GRIK3: variants seen among roughly 807,000 people sequenced by gnomAD.
The protein encoded by GRIK3 is glutamate receptor ionotropic, kainate 3.
GRIK3 carries 29 observed loss-of-function variants against 102.5 expected under a neutral mutation model. The ratio of observed to expected loss-of-function variants is 0.28; its 90% confidence interval spans 0.21 to 0.39. The LOEUF (loss-of-function observed/expected upper bound fraction) is 0.39. Ranked by LOEUF, GRIK3 falls within the 10% of genes least tolerant of loss-of-function variation. The probability of loss-of-function intolerance (pLI) is 1.00; values close to 1 mark genes in which losing one functional copy is unlikely to be tolerated. For synonymous variants in GRIK3, 511 were observed against 504.9 expected (o/e 1.01, Z -0.16); for missense variants, 908 against 1,252.4 (o/e 0.73, Z 4.15).
chr1:36,884,106 C>T (rs191379876), intron 2 of GRIK3, among the ~76,000 whole-genome samples: 37 of 152,256 alleles, frequency 2.4e-4, no homozygotes, highest in Non-Finnish European at 4.6e-4. Context: ...TCATTGTGGC[C>T]AAGGCCAGGT....
chr1:36,992,654 G>A (rs1408465794), intron 1 of GRIK3, among the ~76,000 whole-genome samples: 4 of 152,188 alleles, frequency 2.6e-5, no homozygotes, highest in Non-Finnish European at 5.9e-5. Flanking sequence ...CCTGTTGAGT[G>A]CTCCTACCTA....
chr1:36,938,877 T>C (rs554242809), intron 1 of GRIK3, among the ~76,000 whole-genome samples: 2 of 152,282 alleles, frequency 1.3e-5, no homozygotes, highest in South Asian at 4.1e-4. Flanking sequence ...AATGAAAGCC[T>C]GGAGCTCCCA....
intron 3 of GRIK3, among the ~76,000 whole-genome samples, chr1:36,879,963 C>T (rs145804502): frequency 2.0e-5 from 3 of 152,210 alleles, no homozygotes; most frequent in East Asian, 1.9e-4. Flanking sequence ...GAGCTGGGCA[C>T]GTGCAGGTGT....
Position 36,797,226 on chromosome 1 carries a change from G to A in GRIK3, c.*4625C>T, listed in dbSNP as rs948618475. 1 of 151,990 alleles carries A rather than the reference G, an allele frequency of 6.6e-6. No homozygotes were observed. Among genetic ancestry groups the A allele is most frequent in the African/African-American group, 2.4e-5 (1 of 41,350 alleles). 9.4% of individuals were successfully genotyped at this position (151,990 alleles called of 1,614,324 possible). A position where few individuals can be genotyped will look rare whatever the true frequency, so the allele number is the denominator to read the frequency against. ...TGGCTGGGTTCTGTACACTCCGTGT[G>A]CAGACGTGCAGGAAAGGGTTGTATA... On this transcript the variant is annotated 3_prime_UTR_variant, in exon 16 of 16. Coordinates refer to ENST00000373091, the MANE Select transcript of GRIK3 (RefSeq NM_000831.4).
At chr1:37,031,395 A>C (rs925246142) in intron 1 of GRIK3, among the ~76,000 whole-genome samples, 1 of 152,202 alleles carries the variant, frequency 6.6e-6, no homozygotes, top group African/African-American at 2.4e-5. Context: ...CAATTCATCT[A>C]TTCAAGACGG....
At position 36,817,164 on chromosome 1, in the gene GRIK3, C is replaced by T. The variant is rs774857531; in HGVS notation, c.1987G>A (p.Val663Met). 5.9e-5 allele frequency: 95 copies of T among 1,614,002 alleles called. No homozygotes were observed. Among genetic ancestry groups the T allele is most frequent in the Non-Finnish European group, 8.0e-5 (94 of 1,179,922 alleles). The change falls in exon 13 of 16, where the codon GTG becomes ATG. Residue 663 changes from valine (V) to methionine (M), a missense_variant. Physicochemically the swap from Val to Met is conservative, Grantham distance 21. Coordinates refer to ENST00000373091, the MANE Select transcript of GRIK3 (RefSeq NM_000831.4). ...YTANLAAFLT[V>M]ERMESPIDSA... Reference sequence around the variant, plus strand: ...TCAATGGGTGATTCCATGCGCTCCACGGTCAGAAAGGCAGCCAGGTTGGCC... The same window carrying T: ...TCAATGGGTGATTCCATGCGCTCCATGGTCAGAAAGGCAGCCAGGTTGGCC...
At position 36,806,987 on chromosome 1, in the gene GRIK3, C is replaced by T. The variant is rs923436670; in HGVS notation, c.2092-661G>A. On this transcript the variant is annotated intron_variant, in intron 13 of 15. Transcript: ENST00000373091. The surrounding 1 kb of genome is among the most constrained non-coding windows in gnomAD (Gnocchi z 4.0). ...TGGAGGCCTCTTTTATGTCCTGTTT[C>T]AGGGGAAGATTTTGCCTCAGACATG... Among the ~76,000 whole-genome samples, 2 of 152,082 alleles carry T rather than the reference C, an allele frequency of 1.3e-5. No homozygotes were observed. Among genetic ancestry groups the T allele is most frequent in the African/African-American group, 4.8e-5 (2 of 41,404 alleles).
intron 7 of GRIK3, among the ~76,000 whole-genome samples, chr1:36,855,414 C>T (rs981498989): frequency 2.6e-5 from 4 of 152,164 alleles, no homozygotes; most frequent in Non-Finnish European, 5.9e-5. Flanking sequence ...AAATGAAAAC[C>T]CTTAGACATC....
chr1:36,904,305 C>A (rs1236883899), intron 1 of GRIK3, among the ~76,000 whole-genome samples: 1 of 152,190 alleles, frequency 6.6e-6, no homozygotes, highest in African/African-American at 2.4e-5. Context: ...TAAAACAAGA[C>A]AAGAAGAATT....
intron 1 of GRIK3, among the ~76,000 whole-genome samples, chr1:37,002,099 TC>T (rs1180921749): frequency 6.6e-6 from 1 of 152,094 alleles, no homozygotes; most frequent in Non-Finnish European, 1.5e-5. Flanking sequence ...CAAAAGACAA[TC>T]CCCTGCAGAA....
chr1:36,812,410 C>G (rs548962429), intron 13 of GRIK3, among the ~76,000 whole-genome samples: 3 of 152,132 alleles, frequency 2.0e-5, no homozygotes, highest in Non-Finnish European at 4.4e-5. Flanking sequence ...AGCTGTCTTC[C>G]GATGTCCTCT....
intron 3 of GRIK3, among the ~76,000 whole-genome samples, chr1:36,879,998 G>A (rs1253748563): frequency 6.6e-6 from 1 of 152,208 alleles, no homozygotes; most frequent in Non-Finnish European, 1.5e-5. Context: ...GGGTAGAGAA[G>A]AGTGTGTGTG....
chr1:36,872,118 TG>T lies in GRIK3; in HGVS notation c.732+69del. The T allele has an allele frequency of 7.2e-7, 1 of 1,386,456 alleles. No individual in the cohort carries two copies. The highest frequency in any genetic ancestry group is 9.8e-7 in the Non-Finnish European group (1 of 1,020,050). 85.9% of individuals were successfully genotyped at this position (1,386,456 alleles called of 1,614,324 possible). Reference sequence around the variant, plus strand: ...GATCTGGCAGCATCACACCCACATTTGGGAAGGGGACGTGGGAGAAGTGGCC... The same window carrying T: ...GATCTGGCAGCATCACACCCACATTTGGAAGGGGACGTGGGAGAAGTGGCC... On this transcript the variant is annotated intron_variant, in intron 4 of 15. Coordinates refer to ENST00000373091, the MANE Select transcript of GRIK3 (RefSeq NM_000831.4). This position sits in a 1 kb window ranked among gnomAD's most constrained non-coding sequence, Gnocchi z 5.9.
At chr1:36,811,128 G>C (rs1372358207) in intron 13 of GRIK3, among the ~76,000 whole-genome samples, 2 of 152,196 alleles carry the variant, frequency 1.3e-5, no homozygotes, top group Non-Finnish European at 2.9e-5. Context: ...ACAAGACAAG[G>C]TGTGTGAAGC....
At chr1:36,813,508 T>C (rs1642585896) in intron 13 of GRIK3, among the ~76,000 whole-genome samples, 1 of 152,164 alleles carries the variant, frequency 6.6e-6, no homozygotes, top group Non-Finnish European at 1.5e-5. Context: ...GAGGGCACTG[T>C]GCATGAAGAC....
intron 10 of GRIK3, 145 bp downstream of exon 10, chr1:36,841,591 C>A (rs529445846): frequency 4.3e-6 from 3 of 693,562 alleles, no homozygotes; most frequent in Admixed American, 2.4e-5. Flanking sequence ...TGAGGCCCCC[C>A]AGTCCTCAAG....
rs1478494154 is a variant in GRIK3, at chr1:36,959,553, C to T, written c.116-68457G>A. Among the ~76,000 whole-genome samples the T allele has an allele frequency of 2.9e-5, 3 of 104,604 alleles. No homozygotes were observed. In the East Asian group the frequency reaches 1.3e-3, roughly 46 times the overall value. The allele number at this position is 104,604 out of a possible 152,430, so 68.6% of individuals were successfully genotyped here. A position where few individuals can be genotyped will look rare whatever the true frequency, so the allele number is the denominator to read the frequency against. On this transcript the variant is annotated intron_variant, in intron 1 of 15. Transcript: ENST00000373091. The stretch of plus-strand genomic sequence containing the variant: ...GTGTGCCCTGTAAGCCTGGGTGTCC[C>T]ATGACTGTGTGCTCCATGAGCCTGT...
chr1:36,945,168 C>T lies in GRIK3; in HGVS notation c.116-54072G>A, dbSNP rs373061612. ...AGCAGGCCTCATCAAAGGCCGGTGT[C>T]GAGCTAATTTAATGATCTAAGTGGA... On this transcript the variant is annotated intron_variant, in intron 1 of 15. Coordinates refer to ENST00000373091, the MANE Select transcript of GRIK3 (RefSeq NM_000831.4). Among the ~76,000 whole-genome samples, 60 of 152,372 alleles carry T rather than the reference C, an allele frequency of 3.9e-4. No individual in the cohort carries two copies. The South Asian group carries it at 4.3e-3, about 11-fold the overall frequency.
chr1:36,860,919 C>T (rs1346830393), intron 5 of GRIK3, among the ~76,000 whole-genome samples: 2 of 152,198 alleles, frequency 1.3e-5, no homozygotes, highest in African/African-American at 2.4e-5. Flanking sequence ...AGTATTACTT[C>T]ATTCTTCTGG....
Sources: allele counts gnomAD v4.1 joint callset (sites outside exome capture counted in the v4.1 genomes callset), GRCh38; gene constraint gnomAD v4.1.1; non-coding constraint Gnocchi (gnomAD v3.1); transcripts MANE v1.5; gene names NCBI Gene and HGNC (gene_info 2026-07-23, HGNC 2026-07-21).